Variants in CADPS2 observed in about 807,000 individuals in gnomAD.
CADPS2 encodes the protein calcium-dependent secretion activator 2.
A neutral mutation model predicts 172.5 loss-of-function variants in CADPS2; 93 were observed. The observed-to-expected ratio is 0.54, with a 90% CI of 0.46 to 0.64. The LOEUF is 0.64. Among genes scored for constraint, CADPS2 ranks in the 30% least tolerant of loss-of-function variants. The pLI is 0.00. For missense variants in CADPS2, 1,420 were observed against 1,565.9 expected (o/e 0.91, Z 1.57); for synonymous variants, 546 against 555.2 (o/e 0.98, Z 0.23).
At chr7:122,446,125 T>C (rs1373407755) in intron 15 of CADPS2, among the ~76,000 whole-genome samples, 1 of 152,182 alleles carries the variant, frequency 6.6e-6, no homozygotes, top group Admixed American at 6.5e-5. Flanking sequence ...TGCCCTTAAC[T>C]GGTTGTATAT....
At chr7:122,331,870 A>C (rs895051790) in intron 28 of CADPS2, 1 of 152,332 alleles carries the variant, frequency 6.6e-6, no homozygotes, top group Middle Eastern at 3.4e-3. Flanking sequence ...GTCTGTGCTC[A>C]TAACTCCTGT....
intron 9 of CADPS2, among the ~76,000 whole-genome samples, chr7:122,497,023 C>T (rs765288864): frequency 2.0e-4 from 30 of 151,996 alleles, no homozygotes; most frequent in Admixed American, 2.0e-4. Context: ...ACTTCTTTCT[C>T]GGACTGTTCT....
intron 2 of CADPS2, chr7:122,699,109 CTTTAGATTGAAAAAT>C: frequency 1.8e-6 from 1 of 545,500 alleles, no homozygotes; most frequent in Non-Finnish European, 3.3e-6. Context: ...AGGTGAAAAA[CTTTAGATTGAAAAAT>C]AAATCCCCTA....
intron 4 of CADPS2, 70 bp from the exon 5 acceptor site, chr7:122,621,787 G>T: frequency 1.2e-6 from 1 of 842,804 alleles, no homozygotes; most frequent in Non-Finnish European, 1.8e-6. Flanking sequence ...AAAATTGTAT[G>T]ATATATATAC....
intron 22 of CADPS2, among the ~76,000 whole-genome samples, chr7:122,390,535 A>T (rs2044242866): frequency 6.6e-6 from 1 of 152,082 alleles, no homozygotes; most frequent in African/African-American, 2.4e-5. Context: ...CATAAAAACA[A>T]AATCTCTAAT....
intron 17 of CADPS2, among the ~76,000 whole-genome samples, chr7:122,432,640 AAAT>A (rs2050091436): frequency 7.2e-6 from 1 of 139,274 alleles, no homozygotes. Context: ...GACTCTGTTA[AAAT>A]AAAAAAAAAA....
chr7:122,698,876 A>G, intron 2 of CADPS2: 1 of 1,606,686 alleles, frequency 6.2e-7, no homozygotes, highest in Non-Finnish European at 8.5e-7. Flanking sequence ...AGCCAGGAAG[A>G]GGCAGTGTTG....
At chr7:122,814,846 T>C (rs533891832) in intron 1 of CADPS2, among the ~76,000 whole-genome samples, 28 of 152,306 alleles carry the variant, frequency 1.8e-4, no homozygotes, top group African/African-American at 6.7e-4. Flanking sequence ...GAAACTATGA[T>C]GTCAACCATC....
intron 2 of CADPS2, among the ~76,000 whole-genome samples, chr7:122,690,775 C>A (rs991264603): frequency 1.3e-5 from 2 of 152,192 alleles, no homozygotes; most frequent in Admixed American, 6.5e-5. Flanking sequence ...TAGGTGTCAC[C>A]TTCTTGGTGA....
intron 2 of CADPS2, among the ~76,000 whole-genome samples, chr7:122,711,755 C>T (rs753530098): frequency 1.8e-4 from 28 of 152,100 alleles, no homozygotes; most frequent in Non-Finnish European, 3.2e-4. Context: ...AGGGTTCAAG[C>T]GATTCTCCTG....
intron 5 of CADPS2, among the ~76,000 whole-genome samples, chr7:122,616,673 T>C (rs1021603906): frequency 6.6e-6 from 1 of 152,120 alleles, no homozygotes; most frequent in Non-Finnish European, 1.5e-5. Context: ...AGAAAATTAA[T>C]GGAGAATTGA....
At chr7:122,800,210 C>T (rs905405679) in intron 1 of CADPS2, among the ~76,000 whole-genome samples, 1 of 152,174 alleles carries the variant, frequency 6.6e-6, no homozygotes, top group African/African-American at 2.4e-5. Flanking sequence ...TCCTACTCAA[C>T]ATTTATTGGT....
intron 1 of CADPS2, among the ~76,000 whole-genome samples, chr7:122,837,720 A>C (rs149540086): frequency 0.016 from 2,375 of 152,232 alleles, 60 homozygotes; most frequent in African/African-American, 0.054. Context: ...TCTCCCAACA[A>C]TAAACCAGGA....
At chr7:122,559,721 A>G (rs1208814701) in intron 7 of CADPS2, among the ~76,000 whole-genome samples, 3 of 146,874 alleles carry the variant, frequency 2.0e-5, no homozygotes, top group Non-Finnish European at 4.5e-5. Flanking sequence ...CAGTGAGCCG[A>G]GACTGTGCCA....
chr7:122,645,449 ACAT>A, intron 3 of CADPS2, among the ~76,000 whole-genome samples: 1 of 87,342 alleles, frequency 1.1e-5, no homozygotes, highest in South Asian at 2.9e-4. Context: ...ATATACACAC[ACAT>A]ATGTATATAT....
chr7:122,508,664 C>T (rs1254726118), intron 9 of CADPS2, among the ~76,000 whole-genome samples: 2 of 151,184 alleles, frequency 1.3e-5, no homozygotes, highest in African/African-American at 4.9e-5. Flanking sequence ...ATGGCAACTT[C>T]TCATGGATAT....
rs1457056630 is a variant in CADPS2, at chr7:122,393,228, A to G, written c.2976T>C (p.Thr992=). ...CATATAAAGAAGGCATCCACGAAGC[A>G]GTAGAAATGTTAGGAATCTGTGGAA... ...LNLPQIPNIS[T]ASWMPSLYES... is the part of the protein sequence containing the mutation. Residue 992 remains threonine (T), a synonymous_variant, in exon 22 of 30, where the codon ACT becomes ACC. Coordinates refer to ENST00000449022, the MANE Select transcript of CADPS2 (RefSeq NM_017954.11). The G allele has an allele frequency of 6.2e-7, 1 of 1,613,792 alleles. No homozygotes were observed. Among genetic ancestry groups the G allele is most frequent in the Non-Finnish European group, 8.5e-7 (1 of 1,179,802 alleles).
At chr7:122,433,943 T>G (rs1017005358) in intron 17 of CADPS2, among the ~76,000 whole-genome samples, 2 of 152,086 alleles carry the variant, frequency 1.3e-5, no homozygotes, top group Non-Finnish European at 2.9e-5. Flanking sequence ...CTCTGACCCT[T>G]TCATATCTCC....
At chr7:122,486,219 T>C (rs1408037991) in intron 11 of CADPS2, among the ~76,000 whole-genome samples, 3 of 152,208 alleles carry the variant, frequency 2.0e-5, no homozygotes, top group Non-Finnish European at 2.9e-5. Flanking sequence ...TATAAGGCTA[T>C]AGCTGCCATA....
Sources: gnomAD v4.1 joint callset for allele counts (sites outside exome capture counted in the v4.1 genomes callset) on GRCh38, gnomAD v4.1.1 for gene constraint, MANE v1.5 for transcripts, NCBI Gene and HGNC (gene_info 2026-07-23, HGNC 2026-07-21) for gene names.